The following BRMS1L variants were observed in gnomAD, a reference collection of about 807,000 sequenced individuals.
BRMS1L encodes breast cancer metastasis-suppressor 1-like protein.
BRMS1L carries 23 observed loss-of-function variants against 50.3 expected under a neutral mutation model. The ratio of observed to expected loss-of-function variants is 0.46; its 90% confidence interval spans 0.33 to 0.65. The LOEUF (loss-of-function observed/expected upper bound fraction) is 0.65, where lower values mean the gene tolerates loss of function less well. Among genes scored for constraint, BRMS1L ranks in the 30% least tolerant of loss-of-function variants. BRMS1L has a pLI of 0.02. For synonymous variants in BRMS1L, 114 were observed against 126.9 expected (o/e 0.90, Z 0.69); for missense variants, 286 against 386.1 (o/e 0.74, Z 2.17).
In BRMS1L at chr14:35,868,095, G is replaced by C. The variant is rs2078444575; in HGVS notation, c.854+63G>C. The C allele has an allele frequency of 8.7e-6, 13 of 1,486,686 alleles. No homozygotes were observed. In the South Asian group the frequency reaches 1.8e-4, roughly 21 times the overall value. The allele number at this position is 1,486,686 out of a possible 1,614,324, so 92.1% of individuals were successfully genotyped here. A position where few individuals can be genotyped will look rare whatever the true frequency, so the allele number is the denominator to read the frequency against. On this transcript the variant is annotated intron_variant, in intron 9 of 9. Coordinates refer to ENST00000216807, the MANE Select transcript of BRMS1L (RefSeq NM_032352.4). ...TGTCATTTACAACATCGTTGTCAGT[G>C]AAATATTTCCTGCCTCCATAGTGTG...
chr14:35,862,121 T>C (rs202071348), intron 4 of BRMS1L, among the ~76,000 whole-genome samples: 88 of 152,312 alleles, frequency 5.8e-4, no homozygotes, highest in African/African-American at 2.1e-3. Flanking sequence ...AAATTTGTAC[T>C]TGAATCTTTC....
chr14:35,833,832 C>T (rs2077957711), intron 3 of BRMS1L, among the ~76,000 whole-genome samples: 1 of 152,112 alleles, frequency 6.6e-6, no homozygotes, highest in African/African-American at 2.4e-5. Flanking sequence ...ATACCTAAGG[C>T]ATTGTTGATA....
chr14:35,854,379 C>A (rs1003871461), intron 4 of BRMS1L, among the ~76,000 whole-genome samples: 1 of 152,190 alleles, frequency 6.6e-6, no homozygotes, highest in African/African-American at 2.4e-5. Flanking sequence ...TTACTTTCCA[C>A]AGTCTGTGCT....
intron 4 of BRMS1L, among the ~76,000 whole-genome samples, chr14:35,852,258 A>G (rs1046681830): frequency 2.0e-5 from 3 of 152,192 alleles, no homozygotes; most frequent in African/African-American, 7.2e-5. Flanking sequence ...TTAGGCTGGA[A>G]TGTAGTATCA....
chr14:35,836,982 AT>A (rs1413409713), intron 4 of BRMS1L, among the ~76,000 whole-genome samples: 1 of 152,134 alleles, frequency 6.6e-6, no homozygotes, highest in African/African-American at 2.4e-5. Context: ...ATTCCTAGGT[AT>A]TTTAATCTCT....
At chr14:35,857,073 T>A (rs1171984962) in intron 4 of BRMS1L, among the ~76,000 whole-genome samples, 3 of 151,812 alleles carry the variant, frequency 2.0e-5, no homozygotes, top group African/African-American at 7.3e-5. Context: ...AAACCCCGTC[T>A]GTACCAAAAA....
intron 1 of BRMS1L, 123 bp downstream of exon 1, chr14:35,826,781 A>G (rs947308009): frequency 1.5e-5 from 21 of 1,394,162 alleles, no homozygotes; most frequent in Non-Finnish European, 1.9e-5. Flanking sequence ...AGGGGCGGAG[A>G]CTGGCTCTGG....
At chr14:35,832,611 T>C (rs1367144725) in intron 2 of BRMS1L, among the ~76,000 whole-genome samples, 3 of 152,240 alleles carry the variant, frequency 2.0e-5, no homozygotes, top group Non-Finnish European at 4.4e-5. Flanking sequence ...TGGTAATGTC[T>C]ATTCAAAATG....
At chr14:35,859,234 G>A (rs1214983013) in intron 4 of BRMS1L, among the ~76,000 whole-genome samples, 1 of 152,040 alleles carries the variant, frequency 6.6e-6, no homozygotes, top group Non-Finnish European at 1.5e-5. Flanking sequence ...GTGAGCCACC[G>A]TGCCTGGCCC....
intron 5 of BRMS1L, among the ~76,000 whole-genome samples, chr14:35,863,368 C>A (rs1462305811): frequency 2.0e-5 from 3 of 152,062 alleles, no homozygotes; most frequent in Admixed American, 6.5e-5. Flanking sequence ...CTAGGTTATC[C>A]TACAGTTCTT....
chr14:35,833,021 G>C lies in BRMS1L; in HGVS notation c.277G>C (p.Glu93Gln), dbSNP rs1031211224. Residue 93 changes from glutamate (E) to glutamine (Q), a missense_variant, in exon 3 of 10, where the codon GAA becomes CAA. Glu to Gln is a conservative substitution (Grantham distance 29, BLOSUM62 2). Coordinates refer to ENST00000216807, the MANE Select transcript of BRMS1L (RefSeq NM_032352.4). ...AAGTCAGGTGGATGCAAAACTACAA[G>C]AAGTCATAGCTGGAAAAGCACCAGA... ...RLSQVDAKLQ[E>Q]VIAGKAPEYL... 1 of 1,613,230 alleles carries C rather than the reference G, an allele frequency of 6.2e-7. No individual in the cohort carries two copies. Among genetic ancestry groups the C allele is most frequent in the Non-Finnish European group, 8.5e-7 (1 of 1,179,556 alleles).
At chr14:35,860,284 C>T (rs1476062458) in intron 4 of BRMS1L, among the ~76,000 whole-genome samples, 3 of 151,972 alleles carry the variant, frequency 2.0e-5, no homozygotes, top group Non-Finnish European at 4.4e-5. Context: ...TGTCTACCAC[C>T]ATGTCTGGAT....
intron 9 of BRMS1L, among the ~76,000 whole-genome samples, chr14:35,869,825 G>A (rs937275771): frequency 3.3e-5 from 5 of 151,824 alleles, no homozygotes; most frequent in African/African-American, 1.2e-4. Context: ...CAGCCTCGGC[G>A]ACAGAGTGAG....
intron 1 of BRMS1L, among the ~76,000 whole-genome samples, chr14:35,828,773 G>C (rs1318648351): frequency 6.6e-6 from 1 of 152,044 alleles, no homozygotes; most frequent in Non-Finnish European, 1.5e-5. Context: ...TGCTTTTGGA[G>C]TGATGGCAGT....
intron 4 of BRMS1L, among the ~76,000 whole-genome samples, chr14:35,846,951 G>A (rs1317739046): frequency 6.6e-6 from 1 of 151,608 alleles, no homozygotes; most frequent in Non-Finnish European, 1.5e-5. Flanking sequence ...TGGTGGATTT[G>A]TTTATATTGC....
Position 35,871,368 on chromosome 14 carries a change from A to G in BRMS1L, c.*891A>G, listed in dbSNP as rs963383089. 1 of 152,654 alleles carries G rather than the reference A, an allele frequency of 6.6e-6. No homozygotes were observed. The highest frequency in any genetic ancestry group is 1.5e-5 in the Non-Finnish European group (1 of 68,046). The allele number at this position is 152,654 out of a possible 1,614,324, so 9.5% of individuals were successfully genotyped here. On this transcript the variant is annotated 3_prime_UTR_variant, in exon 10 of 10. Coordinates refer to ENST00000216807, the MANE Select transcript of BRMS1L (RefSeq NM_032352.4). ...ATTTTATTCCTAGGGCAAAGTAGAC[A>G]GGGATTATTTCCTTGAATCTATTTC...
At chr14:35,862,488 C>A (rs969736451) in intron 4 of BRMS1L, 102 bp from the exon 5 acceptor site, 1 of 529,526 alleles carries the variant, frequency 1.9e-6, no homozygotes, top group Non-Finnish European at 3.0e-6. Context: ...AAAAGCAAAC[C>A]AAAGCATCAT....
rs759477753 is a variant in BRMS1L at position 35,831,503 on chromosome 14, A to G, written c.233+3A>G. On this transcript the variant is annotated splice_donor_region_variant and intron_variant, in intron 2 of 9. Coordinates refer to ENST00000216807, the MANE Select transcript of BRMS1L (RefSeq NM_032352.4). ...CAGTTTACCGATCTCAAAGATCAGT[A>G]AGTAGTGACTTTAGAAGGCCATTGT... 2 of 1,609,744 alleles carry G rather than the reference A, an allele frequency of 1.2e-6. No individual in the cohort carries two copies. The highest frequency in any genetic ancestry group is 1.7e-6 in the Non-Finnish European group (2 of 1,176,150).
intron 5 of BRMS1L, 110 bp from the exon 6 acceptor site, chr14:35,863,760 A>C: frequency 1.1e-6 from 1 of 893,730 alleles, no homozygotes; most frequent in Non-Finnish European, 1.8e-6. Context: ...CTGCCAATGA[A>C]GTTTTTTACG....
Sources: allele counts gnomAD v4.1 joint callset (sites outside exome capture counted in the v4.1 genomes callset), GRCh38; gene constraint gnomAD v4.1.1; transcripts MANE v1.5; gene names NCBI Gene and HGNC (gene_info 2026-07-23, HGNC 2026-07-21).